The following STXBP2 variants were observed in gnomAD, a reference collection of about 807,000 sequenced individuals.
STXBP2 encodes the protein syntaxin-binding protein 2.
STXBP2 carries 47 observed loss-of-function variants against 72.2 expected under a neutral mutation model. The observed-to-expected ratio is 0.65, with a 90% confidence interval of 0.51 to 0.83. The LOEUF (loss-of-function observed/expected upper bound fraction) is 0.83. STXBP2 is among the 40% of genes least tolerant of loss of function. The probability of loss-of-function intolerance (pLI) is 0.00; values close to 1 mark genes in which losing one functional copy is unlikely to be tolerated. For synonymous variants in STXBP2, 367 were observed against 338.7 expected (o/e 1.08, Z -0.92); for missense variants, 702 against 807.6 (o/e 0.87, Z 1.58).
intron 7 of STXBP2, 26 bp downstream of exon 7, chr19:7,641,879 C>CCA: frequency 7.3e-7 from 1 of 1,379,116 alleles, no homozygotes; most frequent in Non-Finnish European, 1.0e-6. Context: ...AGCCCCACCC[C>CCA]GATGCCGACC....
chr19:7,636,764 C>G (rs541437793), upstream of STXBP2: 64 of 210,042 alleles, frequency 3.0e-4, no homozygotes, highest in African/African-American at 1.4e-3. Context: ...AGATCCCAGG[C>G]CCAGACAGTG....
chr19:7,638,829 T>TG, intron 2 of STXBP2, 54 bp downstream of exon 2: 1 of 1,610,700 alleles, frequency 6.2e-7, no homozygotes. Flanking sequence ...ATCAGGCCTA[T>TG]GGGGAAGACC....
At position 7,642,435 on chromosome 19, in the gene STXBP2, G is replaced by C. The variant is rs937726447; in HGVS notation, c.801G>C (p.Glu267Asp). The C allele has an allele frequency of 6.2e-7, 1 of 1,613,952 alleles. No individual in the cohort carries two copies. Among genetic ancestry groups the C allele is most frequent in the Non-Finnish European group, 8.5e-7 (1 of 1,180,026 alleles). The change falls in exon 10 of 19, where the codon GAG becomes GAC. Residue 267 changes from glutamate (E) to aspartate (D), a missense_variant. Glu to Asp is a conservative substitution (Grantham distance 45). Coordinates refer to ENST00000221283, the MANE Select transcript of STXBP2 (RefSeq NM_006949.4). The surrounding 1 kb of genome is among the most constrained non-coding windows in gnomAD (Gnocchi z 6.0). ...LDIEQDTYRY[E>D]TTGLSEAREK... ...CTCCCTCCTTCCTCCCCAGGTATGAGACCACCGGGCTGAGCGAGGCGCGGG... is the reference window on the plus strand; with the variant it reads ...CTCCCTCCTTCCTCCCCAGGTATGACACCACCGGGCTGAGCGAGGCGCGGG...
chr19:7,637,286 G>A (rs2031582514), intron 1 of STXBP2, 100 bp downstream of exon 1: 2 of 1,174,888 alleles, frequency 1.7e-6, no homozygotes, highest in Non-Finnish European at 2.1e-6. Flanking sequence ...GCTGGGAGTT[G>A]GGGGCCGGGC....
chr19:7,641,448 C>T (rs2031871239), intron 6 of STXBP2, among the ~76,000 whole-genome samples: 1 of 152,164 alleles, frequency 6.6e-6, no homozygotes, highest in Non-Finnish European at 1.5e-5. Flanking sequence ...AGTTCTATCC[C>T]ACTAGGCCCT....
chr19:7,631,955 T>G, upstream of STXBP2: 1 of 818,680 alleles, frequency 1.2e-6, no homozygotes, highest in Non-Finnish European at 1.7e-6. Context: ...ATCTGCCATT[T>G]AGGGTGGCAT....
At chr19:7,641,275 T>C in intron 6 of STXBP2, 1 of 526,022 alleles carries the variant, frequency 1.9e-6, no homozygotes, top group South Asian at 2.0e-5. Flanking sequence ...GGGGCTGGGG[T>C]GGGAGAGTCG....
Position 7,641,709 on chromosome 19 carries a change from T to C in STXBP2, c.434T>C (p.Phe145Ser). 2 of 1,553,620 alleles carry C rather than the reference T, an allele frequency of 1.3e-6. No individual in the cohort carries two copies. The highest frequency in any genetic ancestry group is 1.2e-5 in the South Asian group (1 of 84,186). Residue 145 changes from phenylalanine to serine, a missense_variant, in exon 7 of 19, where the codon TTC becomes TCC. Transcript: ENST00000221283. ...LAFLPYEAQV[F>S]SLDAPHSTYN... The stretch of plus-strand genomic sequence containing the variant: ...TTCTGTCCCCTCCTCGCCCAGGTGT[T>C]CTCCCTCGATGCTCCCCACAGCACC...
chr19:7,644,882 C>T (rs1436311160), intron 14 of STXBP2, 130 bp downstream of exon 14: 1 of 1,504,274 alleles, frequency 6.6e-7, no homozygotes, highest in Admixed American at 2.1e-5. Flanking sequence ...CCCACAGCTA[C>T]CCCTCTGGAC....
intron 7 of STXBP2, 68 bp from the exon 8 acceptor site, chr19:7,641,964 ACT>A (rs1281813036): frequency 1.6e-5 from 26 of 1,602,386 alleles, no homozygotes; most frequent in Middle Eastern, 3.3e-4. Flanking sequence ...CTGGCCCCTG[ACT>A]CTCACCTTCA....
chr19:7,643,832 A>G (rs1464052889), intron 13 of STXBP2, among the ~76,000 whole-genome samples: 4 of 36,818 alleles, frequency 1.1e-4, no homozygotes, highest in Admixed American at 7.2e-4. Flanking sequence ...GACCTGGGAG[A>G]GGGGTGGAGC....
rs755442004 is a variant in STXBP2, at chr19:7,642,393, C to T, written c.795-36C>T. 1.4e-5 allele frequency: 23 copies of T among 1,613,422 alleles called. No individual in the cohort carries two copies. The East Asian group carries it at 5.1e-4, about 36-fold the overall frequency. On this transcript the variant is annotated intron_variant, in intron 9 of 18. Coordinates refer to ENST00000221283, the MANE Select transcript of STXBP2 (RefSeq NM_006949.4). This position sits in a 1 kb window ranked among gnomAD's most constrained non-coding sequence, Gnocchi z 6.0. ...ACTGACCTGGTTCCCCAGTCCTCAG[C>T]TCCCCTGACCCCCAGGCTCCCTCCT... is the stretch of plus-strand genomic sequence containing the variant.
At chr19:7,647,062 G>A in intron 16 of STXBP2, 100 bp from the exon 17 acceptor site, 1 of 1,274,866 alleles carries the variant, frequency 7.8e-7, no homozygotes, top group Admixed American at 1.9e-5. Flanking sequence ...GCTGGTTCCT[G>A]TCTGCCAGGA....
chr19:7,630,852 T>TG, the STXBP2 span: 1 of 1,537,234 alleles, frequency 6.5e-7, no homozygotes, highest in South Asian at 1.2e-5. Flanking sequence ...AGAAGGTAAG[T>TG]GATCTCTTCT....
At chr19:7,645,516 G>C (rs939736399) in intron 15 of STXBP2, 1 of 573,066 alleles carries the variant, frequency 1.7e-6, no homozygotes, top group Non-Finnish European at 3.1e-6. Flanking sequence ...ATAGGCAGGG[G>C]AAGTGAGACA....
Position 7,642,328 on chromosome 19 carries a change from A to C in STXBP2, c.789A>C (p.Thr263=), listed in dbSNP as rs371540379. ...ATCTGCTGGACATAGAGCAGGACAC[A>C]TACAGGTCTGCAGACTTGGAACCCG... is the stretch of plus-strand genomic sequence containing the variant. ...AYDLLDIEQD[T]YRYETTGLSE... The change falls in exon 9 of 19, where the codon ACA becomes ACC. Residue 263 remains threonine, a synonymous_variant. Coordinates refer to ENST00000221283, the MANE Select transcript of STXBP2 (RefSeq NM_006949.4). This position sits in a 1 kb window ranked among gnomAD's most constrained non-coding sequence, Gnocchi z 6.0. 1 of 1,613,926 alleles carries C rather than the reference A, an allele frequency of 6.2e-7. No homozygotes were observed. Among genetic ancestry groups the C allele is most frequent in the South Asian group, 1.1e-5 (1 of 91,080 alleles).
In STXBP2 at chr19:7,638,813, C is replaced by T. The variant is rs748999424; in HGVS notation, c.87+38C>T. On this transcript the variant is annotated intron_variant, in intron 2 of 18. Coordinates refer to ENST00000221283, the MANE Select transcript of STXBP2 (RefSeq NM_006949.4). ...CAGATGGCTGGGTACCCAGAGGCAG[C>T]TCATCATCAGGCCTATGGGGAAGAC... The T allele has an allele frequency of 2.5e-6, 4 of 1,613,188 alleles. No homozygotes were observed. The South Asian group carries it at 3.3e-5, about 13-fold the overall frequency.
chr19:7,638,594 C>T (rs2031660067), intron 1 of STXBP2, 132 bp from the exon 2 acceptor site: 10 of 930,164 alleles, frequency 1.1e-5, no homozygotes, highest in Admixed American at 4.4e-5. Context: ...AGAGTGAGAT[C>T]CTCCTCTCTT....
chr19:7,640,178 GTC>G (rs765802381), intron 4 of STXBP2: 11 of 530,106 alleles, frequency 2.1e-5, no homozygotes, highest in African/African-American at 6.0e-5. Context: ...GTGTGCGTCT[GTC>G]TGTGTGCATG....
Sources: gnomAD v4.1 joint callset for allele counts (sites outside exome capture counted in the v4.1 genomes callset) on GRCh38, gnomAD v4.1.1 for gene constraint, Gnocchi (gnomAD v3.1) non-coding constraint, MANE v1.5 for transcripts, NCBI Gene and HGNC (gene_info 2026-07-23, HGNC 2026-07-21) for gene names.